Variants in SLURP2 observed in about 807,000 individuals in gnomAD.
The protein encoded by SLURP2 is secreted Ly-6/uPAR domain-containing protein 2.
SLURP2 carries 4 observed loss-of-function variants against 9.8 expected under a neutral mutation model. The ratio of observed to expected loss-of-function variants is 0.41; its 90% CI spans 0.20 to 0.94. SLURP2 has a LOEUF of 0.94. Among genes scored for constraint, SLURP2 ranks in the 40% least tolerant of loss-of-function variants. The probability of loss-of-function intolerance (pLI) is 0.32; values close to 1 mark genes in which losing one functional copy is unlikely to be tolerated. For synonymous variants in SLURP2, 58 were observed against 56.2 expected (o/e 1.03, Z -0.15); for missense variants, 118 against 126.4 (o/e 0.93, Z 0.32).
At chr8:142,767,149 C>T (rs587635697) in intron 1 of SLURP2, among the ~76,000 whole-genome samples, 1 of 152,256 alleles carries the variant, frequency 6.6e-6, no homozygotes, top group Admixed American at 6.5e-5. Flanking sequence ...CTGGTCACCC[C>T]TGGGTCCTGT....
chr8:142,769,616 A>G, intron 1 of SLURP2, 139 bp downstream of exon 1: 2 of 728,904 alleles, frequency 2.7e-6, no homozygotes, highest in Non-Finnish European at 4.5e-6. Context: ...TTCGGAGGAA[A>G]GCTGCACCTG....
In SLURP2 at chr8:142,769,807, G is replaced by T; in HGVS notation, c.-1C>A. On this transcript the variant is annotated 5_prime_UTR_variant, in exon 1 of 3. Transcript: ENST00000317543. ...GCAGGAGCCCAGTGCCGAGCTGCAT[G>T]TTCTCCTGGTGAGGTCGGGCTGTCG... 1 of 1,594,884 alleles carries T rather than the reference G, an allele frequency of 6.3e-7. No homozygotes were observed. The highest frequency in any genetic ancestry group is 8.5e-7 in the Non-Finnish European group (1 of 1,173,132).
Position 142,765,066 on chromosome 8 carries a change from C to G in SLURP2, c.127G>C (p.Asp43His). 1.2e-6 allele frequency: 2 copies of G among 1,612,784 alleles called. No homozygotes were observed. Among genetic ancestry groups the G allele is most frequent in the East Asian group, 2.2e-5 (1 of 44,876 alleles). The change falls in exon 2 of 3, where the codon GAC becomes CAC. Residue 43 changes from aspartate to histidine, a missense_variant. Physicochemically the swap from Asp to His is moderately conservative, Grantham distance 81 (BLOSUM62 -1). Coordinates refer to ENST00000317543, the MANE Select transcript of SLURP2 (RefSeq NM_177458.3). ...GCAGTGGTGACACAGTGGGTGGAGT[C>G]CCTCAGGCATCTGGATCCATGGGAG... The part of the protein sequence containing the change: ...GCSHGSRCLR[D>H]STHCVTTATR...
intron 1 of SLURP2, among the ~76,000 whole-genome samples, chr8:142,769,282 G>A (rs587772955): frequency 1.3e-5 from 2 of 151,978 alleles, no homozygotes; most frequent in South Asian, 2.1e-4. Context: ...GAGAGGACCC[G>A]GGAGCAGGAA....
chr8:142,769,635 T>TG (rs1815113725), intron 1 of SLURP2, 120 bp downstream of exon 1: 1 of 796,978 alleles, frequency 1.3e-6, no homozygotes, highest in East Asian at 2.9e-5. Context: ...TGGTAGATGG[T>TG]GGGGGGACAG....
chr8:142,767,385 CA>C, intron 1 of SLURP2, among the ~76,000 whole-genome samples: 1 of 152,350 alleles, frequency 6.6e-6, no homozygotes, highest in Middle Eastern at 3.4e-3. Context: ...AACCTAGTGA[CA>C]GCCAATAAGT....
At position 142,768,416 on chromosome 8, in the gene SLURP2, G is replaced by A. The variant is rs1307568216; in HGVS notation, c.52+1339C>T. 6.6e-6 allele frequency among the ~76,000 whole-genome samples: 1 copy of A among 152,136 alleles called. No individual in the cohort carries two copies. Among genetic ancestry groups the A allele is most frequent in the African/African-American group, 2.4e-5 (1 of 41,414 alleles). Reference sequence around the variant, plus strand: ...AGAGAGCAGACACCAAGCAATGACAGGGGATGCAGGTGCCCCTGAGAGAGG... The same window carrying A: ...AGAGAGCAGACACCAAGCAATGACAAGGGATGCAGGTGCCCCTGAGAGAGG... On this transcript the variant is annotated intron_variant, in intron 1 of 2. Coordinates refer to ENST00000317543, the MANE Select transcript of SLURP2 (RefSeq NM_177458.3). This position sits in a 1 kb window ranked among gnomAD's most constrained non-coding sequence, Gnocchi z 4.8.
intron 2 of SLURP2, 94 bp downstream of exon 2, chr8:142,764,942 C>T (rs587724790): frequency 2.5e-6 from 3 of 1,207,692 alleles, no homozygotes; most frequent in African/African-American, 3.0e-5. Context: ...TTCTGACTTA[C>T]TGGGTGCCTG....
intron 2 of SLURP2, 31 bp from the exon 3 acceptor site, chr8:142,764,772 C>T: frequency 6.2e-7 from 1 of 1,609,520 alleles, no homozygotes; most frequent in Non-Finnish European, 8.5e-7. Context: ...CCATGGAGCT[C>T]CCTGAGGCTC....
At chr8:142,766,588 G>A (rs1390566515) in intron 1 of SLURP2, among the ~76,000 whole-genome samples, 2 of 152,248 alleles carry the variant, frequency 1.3e-5, no homozygotes, top group African/African-American at 4.8e-5. Flanking sequence ...CCCCACTCCC[G>A]AGGCCTGCTA....
chr8:142,767,213 C>G (rs1815033180), intron 1 of SLURP2, among the ~76,000 whole-genome samples: 1 of 152,234 alleles, frequency 6.6e-6, no homozygotes, highest in Admixed American at 6.5e-5. Flanking sequence ...ATGGGAAGTT[C>G]CGGCCAGGGC....
chr8:142,767,261 C>T (rs373675172), intron 1 of SLURP2, among the ~76,000 whole-genome samples: 2 of 152,362 alleles, frequency 1.3e-5, no homozygotes, highest in East Asian at 1.9e-4. Context: ...CTACCAGCCC[C>T]GGAGAGCAAG....
rs999642363 is a variant in SLURP2 at position 142,764,967 on chromosome 8, A to T, written c.157+69T>A. 2.9e-6 allele frequency: 4 copies of T among 1,369,530 alleles called. No homozygotes were observed. The African/African-American group carries it at 5.7e-5, about 20-fold the overall frequency. 84.8% of individuals were successfully genotyped at this position (1,369,530 alleles called of 1,614,324 possible). A position where few individuals can be genotyped will look rare whatever the true frequency, so the allele number is the denominator to read the frequency against. On this transcript the variant is annotated intron_variant, in intron 2 of 2. Coordinates refer to ENST00000317543, the MANE Select transcript of SLURP2 (RefSeq NM_177458.3). Reference sequence around the variant, plus strand: ...CTGGGTGCCTGGATCTGGCTCTGTCACCCTCTGAGCCCACATCTTCCCACC... The same window carrying T: ...CTGGGTGCCTGGATCTGGCTCTGTCTCCCTCTGAGCCCACATCTTCCCACC...
chr8:142,764,916 A>C, intron 2 of SLURP2, 120 bp downstream of exon 2: 1 of 1,121,804 alleles, frequency 8.9e-7, no homozygotes, highest in South Asian at 1.4e-5. Context: ...TCACTGGCGG[A>C]CACTCCCCAC....
At chr8:142,766,941 GAGCCCACGC>G (rs1209870653) in intron 1 of SLURP2, among the ~76,000 whole-genome samples, 6 of 152,178 alleles carry the variant, frequency 3.9e-5, no homozygotes, top group Admixed American at 1.3e-4. Context: ...CAGGACACAG[GAGCCCACGC>G]CTGCCCTATC....
At chr8:142,765,279 G>A (rs1814966488) in intron 1 of SLURP2, 139 bp from the exon 2 acceptor site, 2 of 663,050 alleles carry the variant, frequency 3.0e-6, no homozygotes, top group Non-Finnish European at 5.1e-6. Flanking sequence ...CTGTGATCCA[G>A]CCCTCTCAGG....
rs1384666479 is a variant in SLURP2, at chr8:142,764,574, G to C, written c.*31C>G. On this transcript the variant is annotated 3_prime_UTR_variant, in exon 3 of 3. Coordinates refer to ENST00000317543, the MANE Select transcript of SLURP2 (RefSeq NM_177458.3). ...CCAGGCTGTGGGGGCTGTGGGGGCT[G>C]AGCGTCCGGGGGCCTGGAGGAGGGC... 6.3e-7 allele frequency: 1 copy of C among 1,595,392 alleles called. No individual in the cohort carries two copies. Among genetic ancestry groups the C allele is most frequent in the African/African-American group, 1.4e-5 (1 of 73,738 alleles).
At chr8:142,766,333 G>A (rs1183770933) in intron 1 of SLURP2, 1 of 151,562 alleles carries the variant, frequency 6.6e-6, no homozygotes, top group Non-Finnish European at 1.5e-5. Context: ...CCCGCGAAAT[G>A]CTTAAAAGGT....
At chr8:142,769,655 C>T in intron 1 of SLURP2, 100 bp downstream of exon 1, 1 of 1,072,720 alleles carries the variant, frequency 9.3e-7, no homozygotes, top group Non-Finnish European at 1.4e-6. Flanking sequence ...GGAATGGGTT[C>T]TCCCGAGGTG....
Sources: gnomAD v4.1 joint callset for allele counts (sites outside exome capture counted in the v4.1 genomes callset) on GRCh38, gnomAD v4.1.1 for gene constraint, Gnocchi (gnomAD v3.1) non-coding constraint, MANE v1.5 for transcripts, NCBI Gene and HGNC (gene_info 2026-07-23, HGNC 2026-07-21) for gene names.